FBXL5: variants seen among roughly 807,000 people sequenced by gnomAD.
The protein encoded by FBXL5 is F-box/LRR-repeat protein 5.
In FBXL5, 26 loss-of-function variants were observed where a neutral mutation model predicts 78.3. The observed-to-expected ratio is 0.33, with a 90% confidence interval of 0.24 to 0.46. FBXL5 has a LOEUF of 0.46. Among genes scored for constraint, FBXL5 ranks in the 20% least tolerant of loss-of-function variants. The probability of loss-of-function intolerance (pLI) is 1.00; values close to 1 mark genes in which losing one functional copy is unlikely to be tolerated. For missense variants in FBXL5, 710 were observed against 829.2 expected, an observed-to-expected ratio of 0.86 and a Z score of 1.77; for synonymous variants, 295 against 282.5, an observed-to-expected ratio of 1.04 and a Z score of -0.45.
intron 9 of FBXL5, among the ~76,000 whole-genome samples, chr4:15,615,363 A>G (rs1711705154): frequency 6.6e-6 from 1 of 152,040 alleles, no homozygotes; most frequent in African/African-American, 2.4e-5. Flanking sequence ...CACTGGGTGA[A>G]GCCAGCTGGG....
intron 1 of FBXL5, among the ~76,000 whole-genome samples, chr4:15,673,720 C>A (rs1343880970): frequency 6.6e-6 from 1 of 152,206 alleles, no homozygotes; most frequent in African/African-American, 2.4e-5. Context: ...AGGAGAGATT[C>A]ATTCCAGATC....
chr4:15,656,398 T>C (rs1295139258), upstream of FBXL5: 3 of 424,246 alleles, frequency 7.1e-6, no homozygotes, highest in African/African-American at 6.2e-5. Flanking sequence ...TTGGGAGGAA[T>C]TGTTATTTGC....
At chr4:15,674,189 T>C (rs1717877386) in intron 1 of FBXL5, among the ~76,000 whole-genome samples, 1 of 149,828 alleles carries the variant, frequency 6.7e-6, no homozygotes, top group South Asian at 2.1e-4. Flanking sequence ...GATTATGAAA[T>C]ATCAAATGCA....
intron 9 of FBXL5, among the ~76,000 whole-genome samples, chr4:15,612,774 C>T (rs893906357): frequency 2.0e-5 from 3 of 152,090 alleles, no homozygotes; most frequent in South Asian, 4.2e-4. Flanking sequence ...AAGCTTAAAA[C>T]CTAATAAGCA....
intron 9 of FBXL5, among the ~76,000 whole-genome samples, chr4:15,612,862 A>T (rs1722361190): frequency 6.6e-6 from 1 of 152,216 alleles, no homozygotes; most frequent in Non-Finnish European, 1.5e-5. Context: ...GTATATACCC[A>T]AGAGAATTAA....
At chr4:15,624,297 T>C (rs144939917) in intron 9 of FBXL5, among the ~76,000 whole-genome samples, 28 of 152,322 alleles carry the variant, frequency 1.8e-4, no homozygotes, top group East Asian at 5.8e-4. Context: ...TTTCCACTTA[T>C]TGAAAATCTA....
chr4:15,667,224 C>T (rs1480492485), intron 1 of FBXL5, among the ~76,000 whole-genome samples: 1 of 152,162 alleles, frequency 6.6e-6, no homozygotes, highest in Non-Finnish European at 1.5e-5. Flanking sequence ...CACATGATCA[C>T]GGGCAACCTC....
At chr4:15,650,621 T>A (rs1226861252) in intron 1 of FBXL5, among the ~76,000 whole-genome samples, 4 of 151,092 alleles carry the variant, frequency 2.6e-5, no homozygotes, top group Admixed American at 2.6e-4. Context: ...AATAGTAACA[T>A]GATATCTTCC....
chr4:15,646,116 G>A (rs1004815723), intron 1 of FBXL5, among the ~76,000 whole-genome samples: 2 of 152,198 alleles, frequency 1.3e-5, no homozygotes, highest in Non-Finnish European at 2.9e-5. Flanking sequence ...CATGTGGTCT[G>A]TAGCAATTAT....
Position 15,638,494 on chromosome 4 carries a change from T to C in FBXL5, c.583+14A>G. The C allele has an allele frequency of 1.3e-6, 2 of 1,556,054 alleles. 1 individual carries two copies. The highest frequency in any genetic ancestry group is 1.7e-6 in the Non-Finnish European group (2 of 1,153,016). ...TACAACTAATAAATTGTTCTTTATATATATGAATCTCACCTTTATCTGACT... is the reference window on the plus strand; with the variant it reads ...TACAACTAATAAATTGTTCTTTATACATATGAATCTCACCTTTATCTGACT... On this transcript the variant is annotated intron_variant, in intron 4 of 10. Transcript: ENST00000341285.
intron 9 of FBXL5, among the ~76,000 whole-genome samples, chr4:15,623,528 A>T (rs1290407572): frequency 2.0e-5 from 3 of 152,204 alleles, no homozygotes; most frequent in Non-Finnish European, 4.4e-5. Flanking sequence ...ATGAAAAATG[A>T]ATTACGAGGT....
chr4:15,645,863 A>G lies in FBXL5; in HGVS notation c.85-1155T>C, dbSNP rs536690695. ...TTAAATATTCATTTTTTATAAATTC[A>G]TACATTTTTTACTCTATACAAATAT... On this transcript the variant is annotated intron_variant, in intron 1 of 10. Transcript: ENST00000341285. 5.9e-5 allele frequency among the ~76,000 whole-genome samples: 9 copies of G among 152,340 alleles called. No homozygotes were observed. The South Asian group carries it at 6.2e-4, about 11-fold the overall frequency.
intron 1 of FBXL5, among the ~76,000 whole-genome samples, chr4:15,653,900 C>T (rs905978477): frequency 6.6e-6 from 1 of 152,180 alleles, no homozygotes; most frequent in East Asian, 1.9e-4. Flanking sequence ...ACCTAGACAT[C>T]AGGACTTCTA....
chr4:15,634,617 T>A lies in FBXL5; in HGVS notation c.766+1877A>T, dbSNP rs374906956. Reference sequence around the variant, plus strand: ...CCTGAACTCAGGTGATCCACCCACCTCAGCCTCCCAAACTGCTGGGATTAC... The same window carrying A: ...CCTGAACTCAGGTGATCCACCCACCACAGCCTCCCAAACTGCTGGGATTAC... On this transcript the variant is annotated intron_variant, in intron 5 of 10. Coordinates refer to ENST00000341285, the MANE Select transcript of FBXL5 (RefSeq NM_012161.4). Among the ~76,000 whole-genome samples the A allele has an allele frequency of 1.3e-3, 200 of 152,266 alleles. 2 individuals are homozygous for A. The highest frequency in any genetic ancestry group is 4.6e-3 in the African/African-American group (190 of 41,552).
chr4:15,656,432 G>A (rs1049260209), upstream of FBXL5: 1 of 382,400 alleles, frequency 2.6e-6, no homozygotes, highest in South Asian at 1.9e-5. Flanking sequence ...CCTCCAGGAG[G>A]GCAAGAACCA....
At chr4:15,611,368 T>C (rs1722250917) in intron 10 of FBXL5, among the ~76,000 whole-genome samples, 1 of 152,092 alleles carries the variant, frequency 6.6e-6, no homozygotes, top group Non-Finnish European at 1.5e-5. Context: ...AAAAATTTTG[T>C]TGATTTTCCT....
intron 9 of FBXL5, among the ~76,000 whole-genome samples, chr4:15,624,881 T>C (rs1037672980): frequency 6.6e-6 from 1 of 152,224 alleles, no homozygotes; most frequent in Non-Finnish European, 1.5e-5. Context: ...TATAAAACTA[T>C]AACATACAGA....
At position 15,625,742 on chromosome 4, in the gene FBXL5, C is replaced by T. The variant is rs1045949788; in HGVS notation, c.1360G>A (p.Gly454Ser). The T allele has an allele frequency of 3.1e-6, 5 of 1,614,018 alleles. No homozygotes were observed. Among genetic ancestry groups the T allele is most frequent in the East Asian group, 4.5e-5 (2 of 44,898 alleles). The change falls in exon 9 of 11, where the codon GGC becomes AGC. Residue 454 changes from glycine to serine, a missense_variant. Coordinates refer to ENST00000341285, the MANE Select transcript of FBXL5 (RefSeq NM_012161.4). The part of the protein sequence containing the change: ...YACLHDLTNK[G>S]IGEEIDNEHP... Reference sequence around the variant, plus strand: ...TCATTATCTATTTCTTCTCCAATGCCCTTGTTAGTTAAATCGTGCAAACAG... The same window carrying T: ...TCATTATCTATTTCTTCTCCAATGCTCTTGTTAGTTAAATCGTGCAAACAG...
chr4:15,614,276 T>G (rs4393989), intron 9 of FBXL5, among the ~76,000 whole-genome samples: 43,391 of 152,096 alleles, frequency 0.29, 6,528 homozygotes, highest in East Asian at 0.47. Context: ...TGATGAGTCC[T>G]GTGATGGGAT....
Sources: allele counts gnomAD v4.1 joint callset (sites outside exome capture counted in the v4.1 genomes callset), GRCh38; gene constraint gnomAD v4.1.1; transcripts MANE v1.5; gene names NCBI Gene and HGNC (gene_info 2026-07-23, HGNC 2026-07-21).